The following KSR1 variants were observed in gnomAD, a reference collection of about 807,000 sequenced individuals.
KSR1 encodes kinase suppressor of ras 1, also known as kinase suppressor of ras.
KSR1 carries 35 observed loss-of-function variants against 92.9 expected under a neutral mutation model. The ratio of observed to expected loss-of-function variants is 0.38; its 90% CI spans 0.29 to 0.50. The LOEUF (loss-of-function observed/expected upper bound fraction) is 0.50. Among genes scored for constraint, KSR1 ranks in the 20% least tolerant of loss-of-function variants. The pLI, the probability that KSR1 is intolerant of heterozygous loss-of-function variation, is 0.94. For synonymous variants in KSR1, 467 were observed against 472.6 expected (o/e 0.99, Z 0.15); for missense variants, 972 against 1,158.5 (o/e 0.84, Z 2.34).
chr17:27,553,597 G>A (rs2071482984), intron 2 of KSR1, among the ~76,000 whole-genome samples: 1 of 152,162 alleles, frequency 6.6e-6, no homozygotes, highest in African/African-American at 2.4e-5. Context: ...GAGGTACCTG[G>A]GCCTGGCAGC....
At chr17:27,552,462 A>T (rs1323550129) in intron 2 of KSR1, among the ~76,000 whole-genome samples, 1 of 152,224 alleles carries the variant, frequency 6.6e-6, no homozygotes, top group Non-Finnish European at 1.5e-5. Context: ...GGGTGGTGAC[A>T]CAGGTTACTC....
intron 17 of KSR1, among the ~76,000 whole-genome samples, chr17:27,611,140 C>T (rs1407458621): frequency 1.3e-5 from 2 of 152,192 alleles, no homozygotes; most frequent in Admixed American, 1.3e-4. Context: ...ATTTAGTACT[C>T]CTCAAACAAC....
chr17:27,544,683 C>T (rs1202011034), intron 1 of KSR1, among the ~76,000 whole-genome samples: 3 of 152,248 alleles, frequency 2.0e-5, no homozygotes, highest in Non-Finnish European at 4.4e-5. Context: ...CTTCTTGCTG[C>T]TGGTCCCATC....
At chr17:27,539,226 T>TA (rs2070869721) in intron 1 of KSR1, among the ~76,000 whole-genome samples, 1 of 152,090 alleles carries the variant, frequency 6.6e-6, no homozygotes, top group South Asian at 2.1e-4. Context: ...GCTGAGGGGG[T>TA]AAACTAGTTC....
chr17:27,598,787 C>G (rs912617522), intron 10 of KSR1, among the ~76,000 whole-genome samples: 2 of 152,224 alleles, frequency 1.3e-5, no homozygotes, highest in African/African-American at 4.8e-5. Flanking sequence ...TTCATCGTCC[C>G]CTGCACAGAG....
At position 27,577,423 on chromosome 17, in the gene KSR1, C is replaced by T. The variant is rs2072552679; in HGVS notation, c.373-69C>T. ...CCCTGCCACTCAGCAGGAGGCCAGC[C>T]TGAGGCTGAGGGGCTCCCGGCCCAG... On this transcript the variant is annotated intron_variant, in intron 2 of 20. Transcript: ENST00000644974. This position sits in a 1 kb window ranked among gnomAD's most constrained non-coding sequence, Gnocchi z 4.5. The T allele has an allele frequency of 9.9e-7, 1 of 1,012,836 alleles. No individual in the cohort carries two copies. The highest frequency in any genetic ancestry group is 1.6e-5 in the African/African-American group (1 of 62,546). 62.7% of individuals were successfully genotyped at this position (1,012,836 alleles called of 1,614,324 possible). A position where few individuals can be genotyped will look rare whatever the true frequency, so the allele number is the denominator to read the frequency against.
intron 1 of KSR1, among the ~76,000 whole-genome samples, chr17:27,485,871 C>T (rs1474483342): frequency 1.3e-5 from 2 of 152,144 alleles, no homozygotes; most frequent in Non-Finnish European, 2.9e-5. Flanking sequence ...ATCTCTCCCA[C>T]CCAGGGCTGC....
intron 1 of KSR1, among the ~76,000 whole-genome samples, chr17:27,475,756 G>C (rs978361727): frequency 2.0e-5 from 3 of 152,162 alleles, no homozygotes; most frequent in Non-Finnish European, 4.4e-5. Flanking sequence ...AAATAAGGTA[G>C]CTGTCCAGTG....
At chr17:27,555,774 A>G (rs534605044) in intron 2 of KSR1, among the ~76,000 whole-genome samples, 1 of 152,390 alleles carries the variant, frequency 6.6e-6, no homozygotes, top group South Asian at 2.1e-4. Context: ...GACATTAAAT[A>G]CTTTCACACT....
intron 1 of KSR1, among the ~76,000 whole-genome samples, chr17:27,525,360 C>T (rs1320667376): frequency 2.0e-5 from 3 of 152,254 alleles, no homozygotes; most frequent in African/African-American, 7.2e-5. Context: ...TGCACTCTTT[C>T]ACCTTGCACA....
At chr17:27,470,243 T>G (rs1311089447) in intron 1 of KSR1, among the ~76,000 whole-genome samples, 1 of 145,282 alleles carries the variant, frequency 6.9e-6, no homozygotes. Flanking sequence ...TGTTTGTGTT[T>G]TTTTTTTTTT....
intron 2 of KSR1, among the ~76,000 whole-genome samples, chr17:27,558,787 C>G (rs983014107): frequency 2.0e-5 from 3 of 151,938 alleles, no homozygotes; most frequent in Admixed American, 6.6e-5. Flanking sequence ...CTGAAGGACC[C>G]CCGCATCTTT....
At chr17:27,501,950 T>C (rs1258177281) in intron 1 of KSR1, among the ~76,000 whole-genome samples, 2 of 152,260 alleles carry the variant, frequency 1.3e-5, no homozygotes, top group African/African-American at 4.8e-5. Context: ...TAGCAGAGCA[T>C]GCAGACTTTG....
chr17:27,604,619 G>T, intron 12 of KSR1, 61 bp from the exon 13 acceptor site: 2 of 1,534,454 alleles, frequency 1.3e-6, no homozygotes, highest in Non-Finnish European at 1.8e-6. Context: ...GGGAGTCCCC[G>T]CTAGCTGAGA....
In KSR1 at chr17:27,582,599, A is replaced by G. The variant is rs749859898; in HGVS notation, c.521-47A>G. ...TGGCCCCTAGCCATCTCCCCTGTGA[A>G]TTCCTTCCAGCCCTGACCATCTGTG... On this transcript the variant is annotated intron_variant, in intron 3 of 20. Coordinates refer to ENST00000644974, the MANE Select transcript of KSR1 (RefSeq NM_001394583.1). 4 of 1,539,290 alleles carry G rather than the reference A, an allele frequency of 2.6e-6. No homozygotes were observed. The East Asian group carries it at 9.0e-5, about 35-fold the overall frequency.
intron 1 of KSR1, among the ~76,000 whole-genome samples, chr17:27,517,030 A>G (rs1472292389): frequency 6.6e-6 from 1 of 152,242 alleles, no homozygotes; most frequent in African/African-American, 2.4e-5. Context: ...CCTAAAATAG[A>G]TTTCTTTGAT....
chr17:27,480,318 C>T (rs1477451899), intron 1 of KSR1, among the ~76,000 whole-genome samples: 1 of 152,316 alleles, frequency 6.6e-6, no homozygotes. Flanking sequence ...TTGTTCATTG[C>T]GTGCCTCACC....
At chr17:27,597,111 G>A (rs1249958525) in intron 9 of KSR1, among the ~76,000 whole-genome samples, 157 bp from the exon 10 acceptor site, 3 of 152,224 alleles carry the variant, frequency 2.0e-5, no homozygotes, top group Admixed American at 6.5e-5. Flanking sequence ...GCCTCTGTGC[G>A]CTGCCCTTCC....
intron 7 of KSR1, among the ~76,000 whole-genome samples, chr17:27,591,486 A>G (rs1402320910): frequency 6.6e-6 from 1 of 152,190 alleles, no homozygotes; most frequent in African/African-American, 2.4e-5. Context: ...GATCTGGGGC[A>G]AGGCACTTGC....
Sources: allele counts gnomAD v4.1 joint callset (sites outside exome capture counted in the v4.1 genomes callset), GRCh38; gene constraint gnomAD v4.1.1; non-coding constraint Gnocchi (gnomAD v3.1); transcripts MANE v1.5; gene names NCBI Gene and HGNC (gene_info 2026-07-23, HGNC 2026-07-21).